ITPR1: variants seen among roughly 807,000 people sequenced by gnomAD.
ITPR1 encodes inositol 1,4,5-trisphosphate-gated calcium channel ITPR1.
ITPR1 carries 96 observed loss-of-function variants against 318.4 expected under a neutral mutation model. The ratio of observed to expected loss-of-function variants is 0.30; its 90% CI spans 0.26 to 0.36. The LOEUF (loss-of-function observed/expected upper bound fraction) is 0.36, where lower values mean the gene tolerates loss of function less well. Among genes scored for constraint, ITPR1 ranks in the 10% least tolerant of loss-of-function variants. The pLI is 1.00. For synonymous variants in ITPR1, 1,312 were observed against 1,289.9 expected, an observed-to-expected ratio of 1.02 and a Z score of -0.37; for missense variants, 2,440 against 3,460.2, an observed-to-expected ratio of 0.71 and a Z score of 7.40.
At chr3:4,805,092 T>A (rs895454301) in intron 54 of ITPR1, among the ~76,000 whole-genome samples, 2 of 152,210 alleles carry the variant, frequency 1.3e-5, no homozygotes, top group Non-Finnish European at 2.9e-5. Flanking sequence ...CAGTTGCAGA[T>A]GTCAGAAAAC....
Position 4,674,837 on chromosome 3 carries a change from CT to C in ITPR1, c.2599-218del, listed in dbSNP as rs199718709. On this transcript the variant is annotated intron_variant, in intron 22 of 61. Transcript: ENST00000649015. ...AGCTGTGTAGAGCAAATGATGAGGT[CT>C]TTTTTTTTTTTTGATTAGTCATCAG... 4.6e-3 allele frequency among the ~76,000 whole-genome samples: 653 copies of C among 143,440 alleles called. 3 individuals are homozygous for C. The highest frequency in any genetic ancestry group is 0.01 in the African/African-American group (402 of 39,218). The allele number at this position is 143,440 out of a possible 152,430, so 94.1% of individuals were successfully genotyped here.
chr3:4,624,682 A>AC (rs2092765473), intron 4 of ITPR1, among the ~76,000 whole-genome samples: 1 of 151,890 alleles, frequency 6.6e-6, no homozygotes, highest in African/African-American at 2.4e-5. Context: ...AAAAAAAAAA[A>AC]AAAAAAAAAA....
At chr3:4,595,544 A>C (rs114297506) in intron 4 of ITPR1, among the ~76,000 whole-genome samples, 1 of 152,216 alleles carries the variant, frequency 6.6e-6, no homozygotes, top group Non-Finnish European at 1.5e-5. Flanking sequence ...GATCCAAACT[A>C]TATCAAAACT....
At chr3:4,593,594 G>C (rs1430244182) in intron 4 of ITPR1, among the ~76,000 whole-genome samples, 1 of 152,190 alleles carries the variant, frequency 6.6e-6, no homozygotes, top group Middle Eastern at 3.2e-3. Flanking sequence ...TATATGTGAA[G>C]TTCAGATGCT....
chr3:4,830,862 A>G (rs1575410684), intron 60 of ITPR1: 2 of 451,048 alleles, frequency 4.4e-6, no homozygotes, highest in East Asian at 1.4e-4. Context: ...AGCCCCCCTC[A>G]CCCTCAACGC....
At chr3:4,734,003 G>A (rs866349120) in intron 43 of ITPR1, among the ~76,000 whole-genome samples, 5 of 152,206 alleles carry the variant, frequency 3.3e-5, no homozygotes, top group African/African-American at 4.8e-5. Context: ...TCAGATCCTT[G>A]GTGGGTTCCA....
intron 24 of ITPR1, 75 bp from the exon 25 acceptor site, chr3:4,680,478 T>G: frequency 7.6e-7 from 1 of 1,320,524 alleles, no homozygotes; most frequent in Non-Finnish European, 1.1e-6. Context: ...GCCCCGCCAG[T>G]GTGTGGTGGC....
intron 4 of ITPR1, among the ~76,000 whole-genome samples, chr3:4,624,115 G>A (rs968058391): frequency 6.6e-6 from 1 of 152,088 alleles, no homozygotes; most frequent in African/African-American, 2.4e-5. Flanking sequence ...CACCCTGAGT[G>A]TCCCCCACAT....
intron 12 of ITPR1, among the ~76,000 whole-genome samples, chr3:4,654,341 G>A (rs575572050): frequency 6.6e-5 from 10 of 152,332 alleles, no homozygotes; most frequent in African/African-American, 1.7e-4. Context: ...TGCACCTGGC[G>A]TGTGATTAGA....
At chr3:4,671,810 C>T (rs951222552) in intron 20 of ITPR1, 7 of 152,192 alleles carry the variant, frequency 4.6e-5, no homozygotes, top group African/African-American at 1.7e-4. Flanking sequence ...GTATTCTGTT[C>T]TTTCATTCAT....
intron 4 of ITPR1, among the ~76,000 whole-genome samples, chr3:4,578,467 G>C (rs1274576646): frequency 6.6e-6 from 1 of 151,986 alleles, no homozygotes; most frequent in African/African-American, 2.4e-5. Flanking sequence ...TGCTTTGCCA[G>C]TGAGAATTTT....
At chr3:4,757,057 G>A (rs2045055052) in intron 44 of ITPR1, among the ~76,000 whole-genome samples, 1 of 152,194 alleles carries the variant, frequency 6.6e-6, no homozygotes, top group African/African-American at 2.4e-5. Flanking sequence ...AGAACCCAGG[G>A]CACAAATGAA....
At chr3:4,686,777 G>A (rs906442977) in intron 30 of ITPR1, among the ~76,000 whole-genome samples, 4 of 152,174 alleles carry the variant, frequency 2.6e-5, no homozygotes, top group African/African-American at 9.7e-5. Context: ...ACACCACAAG[G>A]GTTCTTCACT....
At chr3:4,777,400 C>T in intron 48 of ITPR1, 26 bp downstream of exon 48, 2 of 1,408,666 alleles carry the variant, frequency 1.4e-6, no homozygotes, top group South Asian at 2.4e-5. Flanking sequence ...AAGCAGAAGA[C>T]AGTCATTTGG....
chr3:4,726,836 A>C (rs1330444611), intron 41 of ITPR1, among the ~76,000 whole-genome samples: 3 of 152,206 alleles, frequency 2.0e-5, no homozygotes, highest in African/African-American at 7.2e-5. Context: ...AGCATATAAT[A>C]TAGAACTTCT....
At chr3:4,714,001 C>G (rs722369) in intron 39 of ITPR1, among the ~76,000 whole-genome samples, 3,702 of 152,266 alleles carry the variant, frequency 0.024, 79 homozygotes, top group South Asian at 0.089. Context: ...GCTACTTAGC[C>G]ATTCCTATTA....
Position 4,847,358 on chromosome 3 carries a change from T to C in ITPR1, c.*1133T>C, listed in dbSNP as rs930568679. ...AAACTTTTATATCTGTTGCCTAGTT[T>C]TGTACATGGATCTCATTTTACAAGA... On this transcript the variant is annotated 3_prime_UTR_variant, in exon 62 of 62. Coordinates refer to ENST00000649015, the MANE Select transcript of ITPR1 (RefSeq NM_001378452.1). 2.7e-5 allele frequency: 4 copies of C among 148,692 alleles called. No individual in the cohort carries two copies. Among genetic ancestry groups the C allele is most frequent in the African/African-American group, 1.0e-4 (4 of 40,086 alleles). 9.2% of individuals were successfully genotyped at this position (148,692 alleles called of 1,614,324 possible).
Position 4,846,470 on chromosome 3 carries a change from C to T in ITPR1, c.*245C>T, listed in dbSNP as rs1365315014. 1 of 324,040 alleles carries T rather than the reference C, an allele frequency of 3.1e-6. No homozygotes were observed. The highest frequency in any genetic ancestry group is 5.6e-6 in the Non-Finnish European group (1 of 178,584). The allele number at this position is 324,040 out of a possible 1,614,324, so 20.1% of individuals were successfully genotyped here. ...ATTAAAAATGCCTTTTTTGGAAGGA[C>T]TAACAGAAAGCACCTGATTTGCACT... On this transcript the variant is annotated 3_prime_UTR_variant, in exon 62 of 62. Transcript: ENST00000649015.
At position 4,673,226 on chromosome 3, in the gene ITPR1, T is replaced by C; in HGVS notation, c.2295T>C (p.Ile765=). Residue 765 remains isoleucine, a synonymous_variant, in exon 21 of 62, where the codon ATT becomes ATC. Coordinates refer to ENST00000649015, the MANE Select transcript of ITPR1 (RefSeq NM_001378452.1). ...EISGQLDVDL[I]LRCMSDENLP... ...CAGGCCAGCTGGATGTCGATCTCAT[T>C]CTCCGCTGCATGTCTGACGAGAACC... The C allele has an allele frequency of 6.2e-7, 1 of 1,613,910 alleles. No homozygotes were observed. Among genetic ancestry groups the C allele is most frequent in the Non-Finnish European group, 8.5e-7 (1 of 1,179,862 alleles).
Sources: allele counts gnomAD v4.1 joint callset (sites outside exome capture counted in the v4.1 genomes callset), GRCh38; gene constraint gnomAD v4.1.1; transcripts MANE v1.5; gene names NCBI Gene and HGNC (gene_info 2026-07-23, HGNC 2026-07-21).